CRACR2A: variants seen among roughly 807,000 people sequenced by gnomAD.
CRACR2A encodes the protein calcium release activated channel regulator 2A.
CRACR2A carries 79 observed loss-of-function variants against 90.5 expected under a neutral mutation model. The ratio of observed to expected loss-of-function variants is 0.87; its 90% CI spans 0.73 to 1.05. The LOEUF is 1.05. CRACR2A is among the 50% of genes least tolerant of loss of function. The probability of loss-of-function intolerance (pLI) is 0.00; values close to 1 mark genes in which losing one functional copy is unlikely to be tolerated. For missense variants in CRACR2A, 823 were observed against 897.2 expected (o/e 0.92, Z 1.06); for synonymous variants, 338 against 356.7 (o/e 0.95, Z 0.59).
intron 2 of CRACR2A, among the ~76,000 whole-genome samples, chr12:3,719,076 A>T (rs1333631571): frequency 2.0e-5 from 3 of 152,202 alleles, no homozygotes; most frequent in Non-Finnish European, 2.9e-5. Context: ...AGAGCACCCA[A>T]GAGAGAATGT....
intron 2 of CRACR2A, among the ~76,000 whole-genome samples, chr12:3,718,663 CAA>C (rs1298874974): frequency 6.6e-6 from 1 of 152,194 alleles, no homozygotes; most frequent in African/African-American, 2.4e-5. Flanking sequence ...TTAGGTTAAA[CAA>C]AATGTTATTA....
chr12:3,620,143 C>T (rs56349377), intron 17 of CRACR2A, among the ~76,000 whole-genome samples: 8,330 of 152,348 alleles, frequency 0.055, 298 homozygotes, highest in Middle Eastern at 0.11. Context: ...CGGGTCTCCA[C>T]CTCCTCCCTG....
rs1591680940 is a variant in CRACR2A, at chr12:3,678,890, T to G, written c.524+25A>C. The G allele has an allele frequency of 3.2e-6, 5 of 1,581,816 alleles. No individual in the cohort carries two copies. The East Asian group carries it at 1.1e-4, about 36-fold the overall frequency. Reference sequence around the variant, plus strand: ...AGGTTCCTACCAGGCTGGTCTCCGTTCTACAAATCACTGTCACCACTTACT... The same window carrying G: ...AGGTTCCTACCAGGCTGGTCTCCGTGCTACAAATCACTGTCACCACTTACT... On this transcript the variant is annotated intron_variant, in intron 6 of 19. Transcript: ENST00000440314.
intron 1 of CRACR2A, among the ~76,000 whole-genome samples, chr12:3,742,624 T>C (rs967474437): frequency 6.6e-6 from 1 of 152,184 alleles, no homozygotes; most frequent in Admixed American, 6.5e-5. Context: ...TTACAAATAT[T>C]GGTAGGCACA....
intron 4 of CRACR2A, among the ~76,000 whole-genome samples, chr12:3,693,713 T>C (rs1591692492): frequency 6.6e-6 from 1 of 152,200 alleles, no homozygotes; most frequent in East Asian, 1.9e-4. Context: ...GTAGGTGACC[T>C]GACCTTTCTC....
chr12:3,619,432 G>T, intron 17 of CRACR2A, 60 bp from the exon 18 acceptor site: 2 of 1,353,666 alleles, frequency 1.5e-6, no homozygotes, highest in Non-Finnish European at 2.1e-6. Context: ...CAGAGGGCAG[G>T]CTAACAATGC....
At chr12:3,623,432 G>A (rs1944188745) in intron 17 of CRACR2A, among the ~76,000 whole-genome samples, 1 of 152,126 alleles carries the variant, frequency 6.6e-6, no homozygotes, top group African/African-American at 2.4e-5. Flanking sequence ...TGCAGACACT[G>A]GGGGCCAGCA....
At position 3,654,068 on chromosome 12, in the gene CRACR2A, G is replaced by C. The variant is rs370395549; in HGVS notation, c.1046+144C>G. ...TTAATAGTGTCAGAATCCTAGAGGA[G>C]TGTTAGAAGAGTCTCAGGGAGCAAC... is the stretch of plus-strand genomic sequence containing the variant. On this transcript the variant is annotated intron_variant, in intron 10 of 19. Coordinates refer to ENST00000440314, the MANE Select transcript of CRACR2A (RefSeq NM_001144958.2). 14 of 828,294 alleles carry C rather than the reference G, an allele frequency of 1.7e-5. 1 individual carries two copies. In the South Asian group the frequency reaches 1.8e-4, roughly 11 times the overall value. 51.3% of individuals were successfully genotyped at this position (828,294 alleles called of 1,614,324 possible).
intron 2 of CRACR2A, chr12:3,729,600 G>A (rs1230673523): frequency 6.6e-6 from 1 of 152,328 alleles, no homozygotes. Context: ...CTACTTGGGA[G>A]GCTGAGGCAG....
chr12:3,641,900 G>A, intron 12 of CRACR2A, 62 bp from the exon 13 acceptor site: 2 of 1,440,122 alleles, frequency 1.4e-6, no homozygotes, highest in South Asian at 1.2e-5. Flanking sequence ...GAACAGAAAA[G>A]GGCTCATGGT....
intron 3 of CRACR2A, among the ~76,000 whole-genome samples, chr12:3,704,983 A>G (rs180713985): frequency 6.6e-6 from 1 of 152,354 alleles, no homozygotes; most frequent in African/African-American, 2.4e-5. Context: ...TCATTTCCAA[A>G]TAAAGTGGAA....
intron 3 of CRACR2A, among the ~76,000 whole-genome samples, chr12:3,709,269 A>C (rs1456605322): frequency 6.6e-6 from 1 of 152,242 alleles, no homozygotes; most frequent in African/African-American, 2.4e-5. Context: ...TTGAAGCAGA[A>C]GCTTCTCTCA....
Position 3,638,249 on chromosome 12 carries a change from TGCTCAGGGGTTGCTCAAA to T in CRACR2A, c.1459_1476del (p.Phe487_Ser492del). 1 of 1,551,680 alleles carries T rather than the reference TGCTCAGGGGTTGCTCAAA, an allele frequency of 6.4e-7. No individual in the cohort carries two copies. The highest frequency in any genetic ancestry group is 8.7e-7 in the Non-Finnish European group (1 of 1,146,986). On this transcript the variant is annotated inframe_deletion, in exon 14 of 20. Coordinates refer to ENST00000440314, the MANE Select transcript of CRACR2A (RefSeq NM_001144958.2). ...GAGACCTCTTCCTCTTCTGAGCATT[TGCTCAGGGGTTGCTCAAA>T]GCCACCATCCAGGAGCTGGGGCAGG...
chr12:3,645,949 G>C (rs1296258533), intron 11 of CRACR2A, among the ~76,000 whole-genome samples: 2 of 152,212 alleles, frequency 1.3e-5, no homozygotes, highest in African/African-American at 4.8e-5. Flanking sequence ...TGAGGAGCCA[G>C]GAAGGGACAG....
chr12:3,669,150 A>G (rs182945828), intron 7 of CRACR2A, among the ~76,000 whole-genome samples: 41 of 152,278 alleles, frequency 2.7e-4, no homozygotes, highest in African/African-American at 9.4e-4. Flanking sequence ...GCCCCCATAC[A>G]TTACAAATAC....
At chr12:3,687,066 G>A (rs772327757) in intron 4 of CRACR2A, among the ~76,000 whole-genome samples, 11 of 152,028 alleles carry the variant, frequency 7.2e-5, no homozygotes, top group African/African-American at 2.4e-4. Context: ...GGTGGGCTCC[G>A]ATCACATGGC....
rs1214905888 is a variant in CRACR2A at position 3,678,522 on chromosome 12, T to C, written c.524+393A>G. ...GGTAAAGATGCTGGGGAGCTGATGGTGATAGGAAGCCTTAGGGAGAACTCC... is the reference window on the plus strand; with the variant it reads ...GGTAAAGATGCTGGGGAGCTGATGGCGATAGGAAGCCTTAGGGAGAACTCC... On this transcript the variant is annotated intron_variant, in intron 6 of 19. Coordinates refer to ENST00000440314, the MANE Select transcript of CRACR2A (RefSeq NM_001144958.2). Among the ~76,000 whole-genome samples the C allele has an allele frequency of 4.0e-5, 6 of 151,832 alleles. No homozygotes were observed. In the East Asian group the frequency reaches 1.2e-3, roughly 29 times the overall value.
intron 5 of CRACR2A, 67 bp from the exon 6 acceptor site, chr12:3,679,165 A>C: frequency 2.3e-5 from 33 of 1,412,990 alleles, no homozygotes; most frequent in Non-Finnish European, 2.8e-5. Flanking sequence ...CAGCTTTCTC[A>C]CCTGCCAGGA....
intron 4 of CRACR2A, among the ~76,000 whole-genome samples, chr12:3,693,732 C>T (rs1353013449): frequency 6.6e-6 from 1 of 152,098 alleles, no homozygotes; most frequent in African/African-American, 2.4e-5. Flanking sequence ...TCCATAGCTA[C>T]CTTTAACATT....
Sources: gnomAD v4.1 joint callset for allele counts (sites outside exome capture counted in the v4.1 genomes callset) on GRCh38, gnomAD v4.1.1 for gene constraint, MANE v1.5 for transcripts, NCBI Gene and HGNC (gene_info 2026-07-23, HGNC 2026-07-21) for gene names.